The following RPGRIP1 variants were observed in gnomAD, a reference collection of about 807,000 sequenced individuals.
The protein encoded by RPGRIP1 is RPGR interacting protein 1.
RPGRIP1 carries 128 observed loss-of-function variants against 157.9 expected under a neutral mutation model. That is an observed-to-expected ratio of 0.81 (90% CI 0.70 to 0.94). The LOEUF (loss-of-function observed/expected upper bound fraction) is 0.94. Among genes scored for constraint, RPGRIP1 ranks in the 40% least tolerant of loss-of-function variants. The pLI is 0.00. For missense variants in RPGRIP1, 1,486 were observed against 1,545.8 expected, an observed-to-expected ratio of 0.96 and a Z score of 0.65; for synonymous variants, 554 against 571.6, an observed-to-expected ratio of 0.97 and a Z score of 0.44.
At position 21,280,179 on chromosome 14, in the gene RPGRIP1, ATATT is replaced by A. The variant is rs1305882325; in HGVS notation, c.-39+24_-39+27del. 6.6e-6 allele frequency among the ~76,000 whole-genome samples: 1 copy of A among 151,950 alleles called. No homozygotes were observed. Among genetic ancestry groups the A allele is most frequent in the African/African-American group, 2.4e-5 (1 of 41,366 alleles). On this transcript the variant is annotated intron_variant, in intron 1 of 24. Transcript: ENST00000400017. ...AGAACTGTAAGTTTCTATCTGATGC[ATATT>A]TATAGTTTCCTATGTCTTCCCTAGG...
At chr14:21,313,944 CTT>C (rs537298482) in intron 10 of RPGRIP1, among the ~76,000 whole-genome samples, 1,405 of 137,164 alleles carry the variant, frequency 0.01, 20 homozygotes, top group African/African-American at 0.035. Flanking sequence ...CACTTTTATT[CTT>C]TTTTTTTTTT....
chr14:21,299,283 T>A (rs1188508613), intron 3 of RPGRIP1, among the ~76,000 whole-genome samples: 1 of 151,560 alleles, frequency 6.6e-6, no homozygotes, highest in East Asian at 1.9e-4. Flanking sequence ...ATTACAGGCG[T>A]GAGCCACCGC....
At chr14:21,315,428 A>T (rs1159529360) in intron 10 of RPGRIP1, among the ~76,000 whole-genome samples, 1 of 151,400 alleles carries the variant, frequency 6.6e-6, no homozygotes, top group Non-Finnish European at 1.5e-5. Context: ...AATGTCGTGA[A>T]TCCGGGAGGC....
At chr14:21,293,911 G>A (rs955318627) in intron 2 of RPGRIP1, among the ~76,000 whole-genome samples, 1 of 151,478 alleles carries the variant, frequency 6.6e-6, no homozygotes, top group African/African-American at 2.4e-5. Flanking sequence ...AAATTAGCTG[G>A]GTGTGGTGGC....
chr14:21,341,841 G>A (rs1272342581), intron 21 of RPGRIP1, among the ~76,000 whole-genome samples: 2 of 152,018 alleles, frequency 1.3e-5, no homozygotes, highest in Non-Finnish European at 2.9e-5. Context: ...GGATCACGAG[G>A]TCAGGAGATC....
chr14:21,287,169 G>A (rs1354682286), intron 1 of RPGRIP1, among the ~76,000 whole-genome samples: 1 of 152,102 alleles, frequency 6.6e-6, no homozygotes, highest in African/African-American at 2.4e-5. Context: ...AGGCCGAGGC[G>A]GGCAGATCAC....
rs1355879266 is a variant in RPGRIP1, at chr14:21,343,184, G to T, written c.3488G>T (p.Arg1163Met). The change falls in exon 22 of 25, where the codon AGG becomes ATG. Residue 1163 changes from arginine to methionine, a missense_variant. Arg to Met is a moderately conservative substitution (Grantham distance 91, BLOSUM62 -1). Coordinates refer to ENST00000400017, the MANE Select transcript of RPGRIP1 (RefSeq NM_020366.4). ...GAGACAGAGACTCCAGTGTCCCTAA[G>T]GAAGCCTAGGGCAGGAGAAGAAATC... The part of the protein sequence containing the change: ...LSETETPVSL[R>M]KPRAGEEIHF... 1 of 1,613,346 alleles carries T rather than the reference G, an allele frequency of 6.2e-7. No individual in the cohort carries two copies.
chr14:21,333,501 T>G (rs1884001303), intron 20 of RPGRIP1, among the ~76,000 whole-genome samples: 1 of 152,162 alleles, frequency 6.6e-6, no homozygotes, highest in African/African-American at 2.4e-5. Flanking sequence ...TTAAAACAAT[T>G]GTCATTTCTT....
chr14:21,323,787 G>A (rs1882755050), intron 14 of RPGRIP1: 1 of 91,160 alleles, frequency 1.1e-5, no homozygotes, highest in Admixed American at 9.0e-5. Context: ...CTCCTTATTC[G>A]TGTGTGTGTG....
At position 21,325,892 on chromosome 14, in the gene RPGRIP1, G is replaced by A. The variant is rs374681726; in HGVS notation, c.2429G>A (p.Gly810Asp). The A allele has an allele frequency of 1.2e-6, 2 of 1,613,956 alleles. No individual in the cohort carries two copies. The highest frequency in any genetic ancestry group is 2.7e-5 in the African/African-American group (2 of 75,016). ...TGGATTGAAATCACCAAGTGCTGTG[G>A]CCTCCGGAGTCGATGGCTGGGAACT... The part of the protein sequence containing the change: ...ELWIEITKCC[G>D]LRSRWLGTQP... The change falls in exon 17 of 25, where the codon GGC becomes GAC. Residue 810 changes from glycine to aspartate, a missense_variant. By Grantham distance (94) the Gly-to-Asp change is moderately conservative. Coordinates refer to ENST00000400017, the MANE Select transcript of RPGRIP1 (RefSeq NM_020366.4).
intron 24 of RPGRIP1, among the ~76,000 whole-genome samples, chr14:21,350,007 A>G (rs975284424): frequency 5.3e-5 from 8 of 152,158 alleles, no homozygotes; most frequent in African/African-American, 1.2e-4. Context: ...CACACACCCC[A>G]TTAGTGGATG....
At chr14:21,285,432 C>T (rs1382631215) in intron 1 of RPGRIP1, among the ~76,000 whole-genome samples, 1 of 151,694 alleles carries the variant, frequency 6.6e-6, no homozygotes, top group African/African-American at 2.4e-5. Flanking sequence ...GGTGAGACCC[C>T]GTCTCTACTA....
intron 6 of RPGRIP1, among the ~76,000 whole-genome samples, chr14:21,304,443 G>GAAAT (rs1555365592): frequency 1.9e-4 from 26 of 139,608 alleles, no homozygotes; most frequent in African/African-American, 6.4e-4. Flanking sequence ...AAGAAAGAAA[G>GAAAT]AAATTAACCT....
intron 1 of RPGRIP1, among the ~76,000 whole-genome samples, chr14:21,287,551 G>A (rs1301765041): frequency 6.6e-6 from 1 of 152,116 alleles, no homozygotes. Flanking sequence ...ATCAGCAATG[G>A]CTTCGGGGAC....
At chr14:21,295,404 C>T (rs914729325) in intron 3 of RPGRIP1, among the ~76,000 whole-genome samples, 22 of 151,204 alleles carry the variant, frequency 1.5e-4, no homozygotes, top group African/African-American at 4.9e-4. Flanking sequence ...AACTAAAGAT[C>T]GTATTGATCC....
chr14:21,308,361 A>T (rs4981369), intron 7 of RPGRIP1, among the ~76,000 whole-genome samples: 1 of 152,054 alleles, frequency 6.6e-6, no homozygotes, highest in South Asian at 2.1e-4. Flanking sequence ...TAAGGTCAGC[A>T]CCATCCTTTT....
At chr14:21,294,532 G>A in intron 2 of RPGRIP1, 145 bp from the exon 3 acceptor site, 1 of 791,254 alleles carries the variant, frequency 1.3e-6, no homozygotes, top group Non-Finnish European at 1.9e-6. Flanking sequence ...CTGGCCCAGA[G>A]TCATTTCTCA....
At position 21,343,085 on chromosome 14, in the gene RPGRIP1, A is replaced by G. The variant is rs1295870315; in HGVS notation, c.3389A>G (p.Glu1130Gly). 7.4e-6 allele frequency: 12 copies of G among 1,613,154 alleles called. No individual in the cohort carries two copies. Among genetic ancestry groups the G allele is most frequent in the Non-Finnish European group, 1.0e-5 (12 of 1,179,170 alleles). ...ATTGTCTCCCTGGCCTTCTACCCAGAGGCAGAAGTGATGTCTGATGAGAAC... is the reference window on the plus strand; with the variant it reads ...ATTGTCTCCCTGGCCTTCTACCCAGGGGCAGAAGTGATGTCTGATGAGAAC... ...IEIVSLAFYP[E>G]AEVMSDENIK... Residue 1130 changes from glutamate to glycine, a missense_variant, in exon 22 of 25, where the codon GAG becomes GGG. Physicochemically the swap from Glu to Gly is moderately conservative, Grantham distance 98. Transcript: ENST00000400017.
rs549165176 is a variant in RPGRIP1 at position 21,325,063 on chromosome 14, A to G, written c.2208A>G (p.Thr736=). The change falls in exon 15 of 25, where the codon ACA becomes ACG. Residue 736 remains threonine, a synonymous_variant. Transcript: ENST00000400017. The part of the protein sequence containing the change: ...ETVEKVHGLA[T]LIGAGGEEFG... ...TGGAGAAAGTCCATGGCTTGGCCAC[A>G]CTGATTGGTAAGTGCCGTTGGCTTC... The G allele has an allele frequency of 4.3e-5, 69 of 1,608,204 alleles. No individual in the cohort carries two copies. In the South Asian group the frequency reaches 7.6e-4, roughly 18 times the overall value.
Sources: gnomAD v4.1 joint callset for allele counts (sites outside exome capture counted in the v4.1 genomes callset) on GRCh38, gnomAD v4.1.1 for gene constraint, MANE v1.5 for transcripts, NCBI Gene and HGNC (gene_info 2026-07-23, HGNC 2026-07-21) for gene names.